Variants in KCNQ5 observed in about 807,000 individuals in gnomAD.
KCNQ5 encodes the protein potassium voltage-gated channel subfamily Q member 5.
In KCNQ5, 30 loss-of-function variants were observed where a neutral mutation model predicts 98.2. That is an observed-to-expected ratio of 0.31 (90% CI 0.23 to 0.41). The LOEUF (loss-of-function observed/expected upper bound fraction) is 0.41. KCNQ5 is among the 10% of genes least tolerant of loss of function. KCNQ5 has a pLI of 1.00. For missense variants in KCNQ5, 835 were observed against 1,182.5 expected (o/e 0.71, Z 4.31); for synonymous variants, 458 against 449.4 (o/e 1.02, Z -0.24).
chr6:72,770,492 A>G (rs1293326977), intron 1 of KCNQ5, among the ~76,000 whole-genome samples: 2 of 152,188 alleles, frequency 1.3e-5, no homozygotes. Flanking sequence ...GACGGTAAAT[A>G]TTATAATCTG....
chr6:72,738,027 C>T (rs957378218), intron 1 of KCNQ5, among the ~76,000 whole-genome samples: 7 of 147,246 alleles, frequency 4.8e-5, no homozygotes, highest in Non-Finnish European at 4.6e-5. Flanking sequence ...TGGTGGCGGG[C>T]GCCTGTAGTT....
intron 1 of KCNQ5, among the ~76,000 whole-genome samples, chr6:72,903,473 T>G (rs12529433): frequency 0.3 from 45,527 of 152,044 alleles, 6,957 homozygotes; most frequent in Admixed American, 0.32. Context: ...TTTAGGACTA[T>G]GAACTTTCCT....
chr6:73,081,326 T>C (rs189655838), intron 5 of KCNQ5, among the ~76,000 whole-genome samples: 3 of 152,314 alleles, frequency 2.0e-5, no homozygotes, highest in Non-Finnish European at 2.9e-5. Flanking sequence ...TAGAGCTCCA[T>C]TTATTATCAT....
chr6:72,733,173 G>A (rs1232563791), intron 1 of KCNQ5, among the ~76,000 whole-genome samples: 2 of 152,154 alleles, frequency 1.3e-5, no homozygotes, highest in Admixed American at 1.3e-4. Context: ...AAGCCACGGT[G>A]AGTAGGGTAG....
intron 1 of KCNQ5, among the ~76,000 whole-genome samples, chr6:72,914,548 C>T (rs1780057854): frequency 6.8e-6 from 1 of 146,554 alleles, no homozygotes. Flanking sequence ...TCCACCTTCC[C>T]CCTGACACAT....
chr6:72,650,755 A>G lies in KCNQ5; in HGVS notation c.398+28168A>G, dbSNP rs547855787. Reference sequence around the variant, plus strand: ...TTTTTGTCATTCCTCACACATTTACATGGTTAGCACTGGTGATACAAAGAA... The same window carrying G: ...TTTTTGTCATTCCTCACACATTTACGTGGTTAGCACTGGTGATACAAAGAA... On this transcript the variant is annotated intron_variant, in intron 1 of 13. Transcript: ENST00000370398. Among the ~76,000 whole-genome samples the G allele has an allele frequency of 3.5e-3, 531 of 152,224 alleles. 1 individual carries two copies. The highest frequency in any genetic ancestry group is 5.6e-3 in the Non-Finnish European group (383 of 67,994).
chr6:73,110,553 A>C (rs1328580110), intron 6 of KCNQ5, among the ~76,000 whole-genome samples: 1 of 152,216 alleles, frequency 6.6e-6, no homozygotes. Context: ...AGGTGAGCCA[A>C]AATAAAAAAG....
intron 3 of KCNQ5, among the ~76,000 whole-genome samples, chr6:73,062,688 T>G (rs975819238): frequency 3.9e-5 from 6 of 152,216 alleles, no homozygotes; most frequent in South Asian, 4.1e-4. Flanking sequence ...TTAATCTAAT[T>G]GCTTCAATTA....
chr6:72,990,265 G>A (rs1317941783), intron 1 of KCNQ5, among the ~76,000 whole-genome samples: 8 of 87,492 alleles, frequency 9.1e-5, no homozygotes, highest in African/African-American at 1.4e-4. Context: ...CCATTTTCAC[G>A]ATATTGATTC....
At chr6:72,982,347 G>A (rs6927438) in intron 1 of KCNQ5, among the ~76,000 whole-genome samples, 120,508 of 152,006 alleles carry the variant, frequency 0.79, 49,463 homozygotes, top group Non-Finnish European at 0.9. Context: ...CCTGTATTGG[G>A]TACATATATA....
rs1029195377 is a variant in KCNQ5, at chr6:73,196,295, A to T, written c.*881A>T. The T allele has an allele frequency of 6.6e-6, 1 of 152,210 alleles. No homozygotes were observed. Among genetic ancestry groups the T allele is most frequent in the African/African-American group, 2.4e-5 (1 of 41,450 alleles). 9.4% of individuals were successfully genotyped at this position (152,210 alleles called of 1,614,324 possible). ...TGCCTATGTAAAGGGCAAGTGTGAG[A>T]AGCTATTCTCATTTCGCTGACATAC... On this transcript the variant is annotated 3_prime_UTR_variant, in exon 14 of 14. Transcript: ENST00000370398.
At chr6:73,052,894 T>A (rs1003862123) in intron 3 of KCNQ5, among the ~76,000 whole-genome samples, 1 of 151,984 alleles carries the variant, frequency 6.6e-6, no homozygotes, top group Admixed American at 6.5e-5. Context: ...TCCACACATA[T>A]CAATATTAAC....
chr6:73,173,516 T>C (rs1275221143), intron 11 of KCNQ5, among the ~76,000 whole-genome samples: 1 of 152,200 alleles, frequency 6.6e-6, no homozygotes, highest in Non-Finnish European at 1.5e-5. Context: ...CTTCAAAATG[T>C]CAAGTATCTG....
At chr6:72,960,887 A>G (rs571320292) in intron 1 of KCNQ5, among the ~76,000 whole-genome samples, 5 of 152,322 alleles carry the variant, frequency 3.3e-5, no homozygotes, top group African/African-American at 1.2e-4. Context: ...CAGAGGTGGG[A>G]GGATCATTTA....
intron 1 of KCNQ5, among the ~76,000 whole-genome samples, chr6:72,946,065 C>T (rs183291356): frequency 3.3e-5 from 5 of 152,146 alleles, no homozygotes; most frequent in African/African-American, 1.2e-4. Context: ...CGTCTTCTCA[C>T]GAACCACAGT....
intron 5 of KCNQ5, among the ~76,000 whole-genome samples, chr6:73,093,157 T>TATCC (rs948942598): frequency 1.3e-5 from 2 of 152,176 alleles, no homozygotes; most frequent in African/African-American, 4.8e-5. Flanking sequence ...TCCAGAAATT[T>TATCC]ATCCATCTCT....
chr6:72,770,810 T>A lies in KCNQ5; in HGVS notation c.398+148223T>A, dbSNP rs561242484. 2.2e-4 allele frequency among the ~76,000 whole-genome samples: 34 copies of A among 152,278 alleles called. 1 individual carries two copies. Among genetic ancestry groups the A allele is most frequent in the African/African-American group, 7.7e-4 (32 of 41,580 alleles). Reference sequence around the variant, plus strand: ...CTTAAGGATTCCATTGTGTATACAATCATAAATTAGTAATATTAGCCCCTA... The same window carrying A: ...CTTAAGGATTCCATTGTGTATACAAACATAAATTAGTAATATTAGCCCCTA... On this transcript the variant is annotated intron_variant, in intron 1 of 13. Transcript: ENST00000370398.
At position 72,946,282 on chromosome 6, in the gene KCNQ5, A is replaced by G. The variant is rs140347398; in HGVS notation, c.399-57626A>G. Among the ~76,000 whole-genome samples, 534 of 152,354 alleles carry G rather than the reference A, an allele frequency of 3.5e-3. 2 individuals are homozygous for G. Among genetic ancestry groups the G allele is most frequent in the African/African-American group, 0.012 (518 of 41,570 alleles). On this transcript the variant is annotated intron_variant, in intron 1 of 13. Transcript: ENST00000370398. ...TTATGCCTCTCGGATGAAGTGTTAC[A>G]TTTTAAACAAATTACTTGATGATTC...
chr6:72,845,829 G>A (rs1212337473), intron 1 of KCNQ5, among the ~76,000 whole-genome samples: 1 of 152,180 alleles, frequency 6.6e-6, no homozygotes, highest in African/African-American at 2.4e-5. Flanking sequence ...GTTGGTAGCA[G>A]ATTAAGAGGC....
Sources: allele counts gnomAD v4.1 joint callset (sites outside exome capture counted in the v4.1 genomes callset), GRCh38; gene constraint gnomAD v4.1.1; transcripts MANE v1.5; gene names NCBI Gene and HGNC (gene_info 2026-07-23, HGNC 2026-07-21).